SLIT2: variants seen among roughly 807,000 people sequenced by gnomAD.
SLIT2 encodes the protein slit guidance ligand 2.
Under a neutral mutation model 185.7 loss-of-function variants are expected in SLIT2, and 41 were observed. The ratio of observed to expected loss-of-function variants is 0.22; its 90% CI spans 0.17 to 0.29. SLIT2 has a LOEUF of 0.29. SLIT2 is among the 10% of genes least tolerant of loss of function. The probability of loss-of-function intolerance (pLI) is 1.00; values close to 1 mark genes in which losing one functional copy is unlikely to be tolerated. For missense variants in SLIT2, 1,571 were observed against 1,909.0 expected (o/e 0.82, Z 3.30); for synonymous variants, 693 against 680.2 (o/e 1.02, Z -0.29).
At chr4:20,535,430 G>C (rs557948603) in intron 18 of SLIT2, among the ~76,000 whole-genome samples, 1 of 151,870 alleles carries the variant, frequency 6.6e-6, no homozygotes, top group African/African-American at 2.4e-5. Context: ...CAAGCAGAAG[G>C]CTCCCTTTTC....
chr4:20,399,139 T>A (rs1726159672), intron 4 of SLIT2, among the ~76,000 whole-genome samples: 2 of 151,692 alleles, frequency 1.3e-5, no homozygotes, highest in South Asian at 2.1e-4. Context: ...AAAAATTATT[T>A]AAAAAATTAT....
Position 20,472,533 on chromosome 4 carries a change from G to GAT in SLIT2, c.467+4715_467+4716dup, listed in dbSNP as rs1553908745. ...ATAGATAGATATATATCTATATATA[G>GAT]ATATATCTATATCTATATATAGATA... On this transcript the variant is annotated intron_variant, in intron 5 of 36. Transcript: ENST00000504154. Among the ~76,000 whole-genome samples the GAT allele has an allele frequency of 2.5e-3, 18 of 7,206 alleles. 4 individuals carry two copies. The highest frequency in any genetic ancestry group is 0.022 in the East Asian group (2 of 90). The allele number at this position is 7,206 out of a possible 152,430, so 4.7% of individuals were successfully genotyped here.
chr4:20,455,279 G>T (rs1712938415), intron 4 of SLIT2, among the ~76,000 whole-genome samples: 1 of 152,070 alleles, frequency 6.6e-6, no homozygotes, highest in East Asian at 1.9e-4. Context: ...TAGAATTAAG[G>T]GAAGAACAAT....
rs3830489 is a variant in SLIT2, at chr4:20,553,735, T to TTGTGTGTG, written c.2562-56_2562-49dup. The TTGTGTGTG allele has an allele frequency of 4.8e-5, 54 of 1,119,576 alleles. No homozygotes were observed. The African/African-American group carries it at 7.9e-4, about 16-fold the overall frequency. 69.4% of individuals were successfully genotyped at this position (1,119,576 alleles called of 1,614,324 possible). A position where few individuals can be genotyped will look rare whatever the true frequency, so the allele number is the denominator to read the frequency against. Reference sequence around the variant, plus strand: ...TTAGGAAATAACAATACTTCCATACTTGTGTGTGTGTGTGTGTGTGTATGT... The same window carrying TTGTGTGTG: ...TTAGGAAATAACAATACTTCCATACTTGTGTGTGTGTGTGTGTGTGTGTGTGTGTATGT... On this transcript the variant is annotated intron_variant, in intron 25 of 36. Transcript: ENST00000504154.
intron 29 of SLIT2, among the ~76,000 whole-genome samples, chr4:20,589,144 G>T (rs1328492560): frequency 6.6e-6 from 1 of 152,124 alleles, no homozygotes; most frequent in African/African-American, 2.4e-5. Flanking sequence ...GTCACAGCTA[G>T]CCTATGGTCT....
chr4:20,520,831 T>C (rs1720778440), intron 12 of SLIT2, among the ~76,000 whole-genome samples: 2 of 152,196 alleles, frequency 1.3e-5, no homozygotes, highest in Non-Finnish European at 2.9e-5. Context: ...ACCCAGTAAA[T>C]TTATTTTACA....
chr4:20,602,434 T>A (rs1424063162), intron 33 of SLIT2, among the ~76,000 whole-genome samples: 1 of 152,220 alleles, frequency 6.6e-6, no homozygotes, highest in African/African-American at 2.4e-5. Flanking sequence ...TTTCTCATCT[T>A]ATCTGTTACA....
At chr4:20,595,249 A>T (rs953181062) in intron 30 of SLIT2, among the ~76,000 whole-genome samples, 2 of 152,170 alleles carry the variant, frequency 1.3e-5, no homozygotes, top group African/African-American at 4.8e-5. Flanking sequence ...TTGTAAAATT[A>T]AAAATGTTAA....
At position 20,310,406 on chromosome 4, in the gene SLIT2, C is replaced by T. The variant is rs561882004; in HGVS notation, c.395+41525C>T. 1.4e-4 allele frequency among the ~76,000 whole-genome samples: 21 copies of T among 152,262 alleles called. No individual in the cohort carries two copies. The South Asian group carries it at 1.7e-3, about 12-fold the overall frequency. ...CCAAGACTTCGTTCCTTCTGTATTT[C>T]TTTGCAGTTCATAGCACCATCATAA... On this transcript the variant is annotated intron_variant, in intron 4 of 36. Transcript: ENST00000504154.
Position 20,254,337 on chromosome 4 carries a change from A to G in SLIT2, c.179+343A>G, listed in dbSNP as rs973748767. ...CAAGTGAGACGCCACTTTGTTCTCC[A>G]GAGTCCATAAACGGAGTCACCTTGC... On this transcript the variant is annotated intron_variant, in intron 1 of 36. Transcript: ENST00000504154. This position sits in a 1 kb window ranked among gnomAD's most constrained non-coding sequence, Gnocchi z 5.1. 2.0e-5 allele frequency among the ~76,000 whole-genome samples: 3 copies of G among 152,184 alleles called. No individual in the cohort carries two copies. The highest frequency in any genetic ancestry group is 4.4e-5 in the Non-Finnish European group (3 of 68,028).
At position 20,528,951 on chromosome 4, in the gene SLIT2, A is replaced by G. The variant is rs1721542686; in HGVS notation, c.1465A>G (p.Thr489Ala). The change falls in exon 16 of 37, where the codon ACA becomes GCA. Residue 489 changes from threonine to alanine, a missense_variant and splice_region_variant. By Grantham distance (58) the Thr-to-Ala change is moderately conservative. Coordinates refer to ENST00000504154, the MANE Select transcript of SLIT2 (RefSeq NM_004787.4). This position sits in a 1 kb window ranked among gnomAD's most constrained non-coding sequence, Gnocchi z 4.2. ...TTTTTGGTTTGAATTCTCAATAGGT[A>G]CAGAAGATTATCGATCAAAATTAAG... ...SAKEQYFIPGTEDYRSKLSGD... is the reference protein window; with the variant it reads ...SAKEQYFIPGAEDYRSKLSGD... 6.2e-7 allele frequency: 1 copy of G among 1,613,328 alleles called. No individual in the cohort carries two copies. Among genetic ancestry groups the G allele is most frequent in the Non-Finnish European group, 8.5e-7 (1 of 1,179,460 alleles).
chr4:20,380,665 CACTT>C (rs1176346623), intron 4 of SLIT2, among the ~76,000 whole-genome samples: 4 of 151,708 alleles, frequency 2.6e-5, no homozygotes, highest in Non-Finnish European at 4.4e-5. Context: ...AATAGATAAA[CACTT>C]AAGAAGAAAA....
At chr4:20,559,110 C>T (rs1042840431) in intron 26 of SLIT2, among the ~76,000 whole-genome samples, 12 of 151,748 alleles carry the variant, frequency 7.9e-5, no homozygotes, top group Admixed American at 5.9e-4. Context: ...AGAGCTTGCA[C>T]GTAGGAAACT....
At chr4:20,327,705 ATAT>A (rs2109188852) in intron 4 of SLIT2, among the ~76,000 whole-genome samples, 1 of 152,164 alleles carries the variant, frequency 6.6e-6, no homozygotes, top group African/African-American at 2.4e-5. Context: ...TAAGTAATAA[ATAT>A]TATAGATATA....
Position 20,619,020 on chromosome 4 carries a change from G to A in SLIT2, c.*11G>A, listed in dbSNP as rs190036864. 7.0e-5 allele frequency: 112 copies of A among 1,604,060 alleles called. No individual in the cohort carries two copies. The African/African-American group carries it at 1.1e-3, about 16-fold the overall frequency. ...AGGTGTGTGTCCTAAACACACTCCCGGCAGCTCTGTCTTTGGAAAAGGTTG... is the reference window on the plus strand; with the variant it reads ...AGGTGTGTGTCCTAAACACACTCCCAGCAGCTCTGTCTTTGGAAAAGGTTG... On this transcript the variant is annotated 3_prime_UTR_variant, in exon 37 of 37. Transcript: ENST00000504154.
chr4:20,525,274 A>AT, intron 15 of SLIT2, 102 bp downstream of exon 15: 1 of 873,616 alleles, frequency 1.1e-6, no homozygotes, highest in Non-Finnish European at 2.0e-6. Context: ...AGTACAGTGG[A>AT]TACTCTATAG....
At position 20,330,624 on chromosome 4, in the gene SLIT2, G is replaced by T. The variant is rs117445683; in HGVS notation, c.395+61743G>T. ...AATAATTACATACTCTCAGAAGATA[G>T]ATATTTATGTTTGTTAGCATATACA... On this transcript the variant is annotated intron_variant, in intron 4 of 36. Coordinates refer to ENST00000504154, the MANE Select transcript of SLIT2 (RefSeq NM_004787.4). 9.6e-3 allele frequency among the ~76,000 whole-genome samples: 1,457 copies of T among 152,130 alleles called. 22 individuals are homozygous for T. The highest frequency in any genetic ancestry group is 0.08 in the East Asian group (415 of 5,158).
chr4:20,413,170 A>G (rs985691942), intron 4 of SLIT2, among the ~76,000 whole-genome samples: 6 of 151,764 alleles, frequency 4.0e-5, no homozygotes, highest in African/African-American at 1.5e-4. Flanking sequence ...CTCTGCTATG[A>G]TTTTGTTTTC....
At chr4:20,618,208 C>T (rs746120377) in intron 36 of SLIT2, among the ~76,000 whole-genome samples, 2 of 152,170 alleles carry the variant, frequency 1.3e-5, no homozygotes, top group Non-Finnish European at 2.9e-5. Flanking sequence ...TCAGAGCTCG[C>T]CTGGCCTCCA....
Sources: allele counts gnomAD v4.1 joint callset (sites outside exome capture counted in the v4.1 genomes callset), GRCh38; gene constraint gnomAD v4.1.1; non-coding constraint Gnocchi (gnomAD v3.1); transcripts MANE v1.5; gene names NCBI Gene and HGNC (gene_info 2026-07-23, HGNC 2026-07-21).